Variants in HHAT observed in about 807,000 individuals in gnomAD.
HHAT encodes the protein protein-cysteine N-palmitoyltransferase HHAT.
HHAT carries 47 observed loss-of-function variants against 70.8 expected under a neutral mutation model. The observed-to-expected ratio is 0.66, with a 90% CI of 0.53 to 0.85. The LOEUF (loss-of-function observed/expected upper bound fraction) is 0.85. HHAT is among the 40% of genes least tolerant of loss of function. The pLI is 0.00. For synonymous variants in HHAT, 228 were observed against 247.6 expected, an observed-to-expected ratio of 0.92 and a Z score of 0.74; for missense variants, 609 against 604.8, an observed-to-expected ratio of 1.01 and a Z score of -0.07.
intron 9 of HHAT, among the ~76,000 whole-genome samples, chr1:210,559,729 G>C (rs1288177227): frequency 6.6e-6 from 1 of 152,006 alleles, no homozygotes; most frequent in East Asian, 1.9e-4. Flanking sequence ...ACAATATGCT[G>C]GCTGCTCTAT....
intron 11 of HHAT, among the ~76,000 whole-genome samples, chr1:210,633,502 A>T (rs1172200324): frequency 6.6e-6 from 1 of 152,122 alleles, no homozygotes; most frequent in Non-Finnish European, 1.5e-5. Context: ...AAGAGCAGGG[A>T]TGTGGTAGGT....
chr1:210,331,368 T>C (rs1483337081), intron 1 of HHAT, among the ~76,000 whole-genome samples: 1 of 152,138 alleles, frequency 6.6e-6, no homozygotes, highest in Non-Finnish European at 1.5e-5. Context: ...AGATAGGATG[T>C]TGGAAATGGA....
At chr1:210,371,758 T>TACAC (rs1202005264) in intron 3 of HHAT, among the ~76,000 whole-genome samples, 4 of 152,188 alleles carry the variant, frequency 2.6e-5, no homozygotes, top group African/African-American at 9.7e-5. Flanking sequence ...CACCAGAGTT[T>TACAC]ACACACATGA....
chr1:210,628,406 A>C (rs1157637698), intron 11 of HHAT, among the ~76,000 whole-genome samples: 4 of 152,162 alleles, frequency 2.6e-5, no homozygotes, highest in Non-Finnish European at 4.4e-5. Context: ...ATAATGTTGC[A>C]GTGACAAGAG....
At chr1:210,668,609 C>G (rs143736895) in intron 11 of HHAT, among the ~76,000 whole-genome samples, 1 of 152,182 alleles carries the variant, frequency 6.6e-6, no homozygotes, top group African/African-American at 2.4e-5. Context: ...ATCCATTAAA[C>G]CTCTTTTTCT....
intron 7 of HHAT, among the ~76,000 whole-genome samples, chr1:210,450,269 C>T (rs559261156): frequency 3.5e-5 from 5 of 141,220 alleles, no homozygotes; most frequent in African/African-American, 1.3e-4. Flanking sequence ...CCAGCCTGGG[C>T]GACAGAGCAA....
At chr1:210,654,685 G>A (rs1676008700) in intron 11 of HHAT, among the ~76,000 whole-genome samples, 1 of 152,206 alleles carries the variant, frequency 6.6e-6, no homozygotes, top group African/African-American at 2.4e-5. Flanking sequence ...TTTATCTTCA[G>A]ATCAGATTGT....
intron 11 of HHAT, among the ~76,000 whole-genome samples, chr1:210,670,283 G>C (rs2148982451): frequency 6.6e-6 from 1 of 152,334 alleles, no homozygotes; most frequent in South Asian, 2.1e-4. Context: ...CCCACAGTCA[G>C]AGACCTTGTG....
In HHAT at chr1:210,667,380, C is replaced by CAATAAATAAATAAATA. The variant is rs3067940; in HGVS notation, c.1391-6894_1391-6879dup. Among the ~76,000 whole-genome samples the CAATAAATAAATAAATA allele has an allele frequency of 5.8e-4, 87 of 150,490 alleles. 1 individual carries two copies. Among genetic ancestry groups the CAATAAATAAATAAATA allele is most frequent in the South Asian group, 1.9e-3 (9 of 4,678 alleles). ...CTGGGCAACAAGAGTGAAACTCCGT[C>CAATAAATAAATAAATA]AATAAATAAATAAATAAATAAATAA... On this transcript the variant is annotated intron_variant, in intron 11 of 11. Coordinates refer to ENST00000261458, the MANE Select transcript of HHAT (RefSeq NM_018194.6).
intron 9 of HHAT, among the ~76,000 whole-genome samples, chr1:210,515,380 T>C (rs1413192137): frequency 6.6e-6 from 1 of 152,152 alleles, no homozygotes; most frequent in Non-Finnish European, 1.5e-5. Context: ...AGATGGTGGC[T>C]GGGAGCAGAG....
At chr1:210,353,348 T>C (rs7529812) in intron 2 of HHAT, among the ~76,000 whole-genome samples, 71,918 of 151,704 alleles carry the variant, frequency 0.47, 18,418 homozygotes, top group South Asian at 0.59. Flanking sequence ...TATATTTTTC[T>C]GGCCATGTCA....
At chr1:210,661,151 T>C (rs1677613937) in intron 11 of HHAT, among the ~76,000 whole-genome samples, 1 of 151,876 alleles carries the variant, frequency 6.6e-6, no homozygotes, top group Admixed American at 6.6e-5. Flanking sequence ...TGGGAGAAAA[T>C]TTTTGCAATC....
intron 11 of HHAT, among the ~76,000 whole-genome samples, chr1:210,660,524 A>G (rs1677452418): frequency 6.6e-6 from 1 of 152,228 alleles, no homozygotes; most frequent in Admixed American, 6.5e-5. Context: ...CATCCCCATC[A>G]AGGTACCAAT....
At chr1:210,424,799 T>G (rs2093013050) in intron 7 of HHAT, among the ~76,000 whole-genome samples, 1 of 152,222 alleles carries the variant, frequency 6.6e-6, no homozygotes, top group Non-Finnish European at 1.5e-5. Context: ...TGAATAGTGT[T>G]GCAATGAACA....
At chr1:210,613,113 G>GT (rs34048739) in intron 10 of HHAT, among the ~76,000 whole-genome samples, 58,472 of 151,916 alleles carry the variant, frequency 0.38, 11,943 homozygotes, top group South Asian at 0.52. Flanking sequence ...AGTTAATTTG[G>GT]TAAGGTCAAG....
chr1:210,634,229 G>A (rs1573895136), intron 11 of HHAT, among the ~76,000 whole-genome samples: 3 of 152,098 alleles, frequency 2.0e-5, no homozygotes, highest in Admixed American at 1.3e-4. Context: ...AGAACATTCC[G>A]CCCAGAGAGC....
At chr1:210,396,093 T>C (rs1278100172) in intron 4 of HHAT, among the ~76,000 whole-genome samples, 1 of 152,182 alleles carries the variant, frequency 6.6e-6, no homozygotes, top group Non-Finnish European at 1.5e-5. Flanking sequence ...GTAAGATCTA[T>C]GTCTCATCAA....
At chr1:210,497,720 T>C (rs1249447489) in intron 8 of HHAT, among the ~76,000 whole-genome samples, 1 of 151,968 alleles carries the variant, frequency 6.6e-6, no homozygotes, top group African/African-American at 2.4e-5. Context: ...TAGAGGCCCA[T>C]TTGTTCTCGA....
At chr1:210,508,945 TA>T (rs745788678) in intron 8 of HHAT, among the ~76,000 whole-genome samples, 4 of 152,196 alleles carry the variant, frequency 2.6e-5, no homozygotes, top group Non-Finnish European at 5.9e-5. Context: ...AGTACCTATG[TA>T]ACATTTTCCC....
Sources: gnomAD v4.1 joint callset for allele counts (sites outside exome capture counted in the v4.1 genomes callset) on GRCh38, gnomAD v4.1.1 for gene constraint, MANE v1.5 for transcripts, NCBI Gene and HGNC (gene_info 2026-07-23, HGNC 2026-07-21) for gene names.